The following DIS3L2 variants were observed in gnomAD, a reference collection of about 807,000 sequenced individuals.
DIS3L2 encodes the protein DIS3 like 3'-5' exoribonuclease 2.
DIS3L2 carries 34 observed loss-of-function variants against 97.5 expected under a neutral mutation model. The ratio of observed to expected loss-of-function variants is 0.35; its 90% CI spans 0.27 to 0.46. The LOEUF is 0.46. DIS3L2 is among the 20% of genes least tolerant of loss of function. The pLI, the probability that DIS3L2 is intolerant of heterozygous loss-of-function variation, is 1.00. For missense variants in DIS3L2, 1,038 were observed against 1,146.0 expected (o/e 0.91, Z 1.36); for synonymous variants, 435 against 445.2 (o/e 0.98, Z 0.29).
At chr2:231,991,149 C>T (rs1037344936) in intron 1 of DIS3L2, among the ~76,000 whole-genome samples, 4 of 151,982 alleles carry the variant, frequency 2.6e-5, no homozygotes, top group Non-Finnish European at 5.9e-5. Flanking sequence ...TCAAGTGATC[C>T]GCCTGTCTCG....
chr2:232,260,639 T>C (rs1428524627), intron 12 of DIS3L2: 1 of 152,212 alleles, frequency 6.6e-6, no homozygotes, highest in Non-Finnish European at 1.5e-5. Flanking sequence ...TTAAAGTCAG[T>C]GATTACAGAT....
intron 1 of DIS3L2, among the ~76,000 whole-genome samples, chr2:232,012,093 G>A (rs916741160): frequency 1.3e-5 from 2 of 152,118 alleles, no homozygotes; most frequent in Non-Finnish European, 2.9e-5. Flanking sequence ...TCAGTCCTGC[G>A]TTCTTCCCCC....
intron 13 of DIS3L2, among the ~76,000 whole-genome samples, chr2:232,273,243 C>T (rs956199935): frequency 1.3e-5 from 2 of 152,092 alleles, no homozygotes; most frequent in Non-Finnish European, 2.9e-5. Flanking sequence ...CATTGTCTTG[C>T]CATTTTCCTT....
intron 7 of DIS3L2, chr2:232,132,008 A>T (rs1698233728): frequency 6.6e-6 from 1 of 151,848 alleles, no homozygotes; most frequent in South Asian, 2.1e-4. Context: ...TCACATTAAA[A>T]ATTAGACTTT....
At chr2:232,163,659 G>T (rs565540113) in intron 9 of DIS3L2, 27 bp downstream of exon 9, 2 of 1,603,176 alleles carry the variant, frequency 1.2e-6, no homozygotes, top group Admixed American at 1.7e-5. Flanking sequence ...CTTTAAGAAC[G>T]TATATCTCCC....
At chr2:232,048,951 T>TTA (rs1695324043) in intron 5 of DIS3L2, among the ~76,000 whole-genome samples, 1 of 152,170 alleles carries the variant, frequency 6.6e-6, no homozygotes, top group African/African-American at 2.4e-5. Flanking sequence ...GCATTTCATA[T>TTA]TATATACACA....
At chr2:232,230,931 C>G (rs1469455663) in intron 10 of DIS3L2, among the ~76,000 whole-genome samples, 1 of 152,122 alleles carries the variant, frequency 6.6e-6, no homozygotes, top group African/African-American at 2.4e-5. Flanking sequence ...ATCCTTCGCT[C>G]TGGCTCTCCT....
chr2:232,014,560 C>G (rs565217219), intron 1 of DIS3L2, among the ~76,000 whole-genome samples: 3 of 152,098 alleles, frequency 2.0e-5, no homozygotes, highest in Non-Finnish European at 4.4e-5. Context: ...TGAATAGAAC[C>G]GCAGGATTCC....
At chr2:232,005,982 G>A (rs1274286699) in intron 1 of DIS3L2, among the ~76,000 whole-genome samples, 2 of 152,194 alleles carry the variant, frequency 1.3e-5, no homozygotes, top group Non-Finnish European at 2.9e-5. Context: ...GAGGTCAGGA[G>A]TTCTAGACCA....
chr2:232,196,282 T>C (rs1251931644), intron 9 of DIS3L2, among the ~76,000 whole-genome samples: 2 of 152,272 alleles, frequency 1.3e-5, no homozygotes, highest in East Asian at 3.9e-4. Context: ...TTTAAACATA[T>C]ATTCATGTTA....
chr2:232,136,453 A>G lies in DIS3L2; in HGVS notation c.703-19A>G, dbSNP rs746514811. 16 of 1,612,794 alleles carry G rather than the reference A, an allele frequency of 9.9e-6. No individual in the cohort carries two copies. The highest frequency in any genetic ancestry group is 8.5e-7 in the Non-Finnish European group (1 of 1,179,196). On this transcript the variant is annotated intron_variant, in intron 7 of 20. Transcript: ENST00000325385. ...GTTCTGCAGATAAACAACATTGACT[A>G]TATCTTTGGTGTTTTTAGGTGGTTT...
intron 1 of DIS3L2, among the ~76,000 whole-genome samples, chr2:231,994,523 G>A (rs1034187887): frequency 3.3e-5 from 5 of 152,006 alleles, no homozygotes; most frequent in Admixed American, 2.6e-4. Context: ...TACCACTTTA[G>A]GTGGAACATA....
intron 10 of DIS3L2, among the ~76,000 whole-genome samples, chr2:232,216,910 T>C (rs1692355588): frequency 7.0e-6 from 1 of 142,586 alleles, no homozygotes. Context: ...TGGTGCAATC[T>C]CTGCACACTG....
chr2:232,088,175 C>T (rs967510621), intron 6 of DIS3L2, among the ~76,000 whole-genome samples: 10 of 151,754 alleles, frequency 6.6e-5, no homozygotes, highest in African/African-American at 9.7e-5. Flanking sequence ...CCGAGGCGGG[C>T]GGATCACGAG....
intron 1 of DIS3L2, chr2:231,978,546 A>G (rs775265849): frequency 7.2e-5 from 11 of 152,238 alleles, no homozygotes; most frequent in Non-Finnish European, 1.3e-4. Context: ...CTCAGAGAAT[A>G]TGATTTATAT....
chr2:232,299,892 T>C (rs1326635785), intron 13 of DIS3L2, 148 bp from the exon 14 acceptor site: 4 of 658,664 alleles, frequency 6.1e-6, no homozygotes, highest in Non-Finnish European at 2.6e-6. Context: ...AGGTGTGGGC[T>C]CTTCCCAGAG....
chr2:232,306,280 A>T (rs1003683644), intron 14 of DIS3L2, among the ~76,000 whole-genome samples: 1 of 152,198 alleles, frequency 6.6e-6, no homozygotes, highest in Non-Finnish European at 1.5e-5. Flanking sequence ...AAAGACCAAC[A>T]GCTCCCAGGA....
intron 14 of DIS3L2, among the ~76,000 whole-genome samples, chr2:232,304,900 T>C (rs577729542): frequency 6.6e-6 from 1 of 152,232 alleles, no homozygotes; most frequent in Non-Finnish European, 1.5e-5. Context: ...TCTCTCCTTC[T>C]GGAACTTGTT....
rs79262232 is a variant in DIS3L2, at chr2:232,211,024, A to G, written c.1204+619A>G. Among the ~76,000 whole-genome samples, 435 of 152,060 alleles carry G rather than the reference A, an allele frequency of 2.9e-3. 1 individual carries two copies. Among genetic ancestry groups the G allele is most frequent in the Non-Finnish European group, 4.8e-3 (323 of 67,968 alleles). On this transcript the variant is annotated intron_variant, in intron 10 of 20. Coordinates refer to ENST00000325385, the MANE Select transcript of DIS3L2 (RefSeq NM_152383.5). ...TGGGATTGAGGCTAGTTGTCTTTGGAAATTATAGTTGGAGGAAGGGAATGC... is the reference window on the plus strand; with the variant it reads ...TGGGATTGAGGCTAGTTGTCTTTGGGAATTATAGTTGGAGGAAGGGAATGC...
Sources: gnomAD v4.1 joint callset for allele counts (sites outside exome capture counted in the v4.1 genomes callset) on GRCh38, gnomAD v4.1.1 for gene constraint, MANE v1.5 for transcripts, NCBI Gene and HGNC (gene_info 2026-07-23, HGNC 2026-07-21) for gene names.